Variants in PLEKHA5 observed in about 807,000 individuals in gnomAD.
The protein encoded by PLEKHA5 is pleckstrin homology domain containing A5.
In PLEKHA5, 55 loss-of-function variants were observed where a neutral mutation model predicts 181.9. The observed-to-expected ratio is 0.30, with a 90% CI of 0.24 to 0.38. The LOEUF (loss-of-function observed/expected upper bound fraction) is 0.38. PLEKHA5 is among the 10% of genes least tolerant of loss of function. The pLI is 1.00. For synonymous variants in PLEKHA5, 535 were observed against 529.4 expected, an observed-to-expected ratio of 1.01 and a Z score of -0.15; for missense variants, 1,432 against 1,549.5, an observed-to-expected ratio of 0.92 and a Z score of 1.27.
chr12:19,347,654 T>A (rs1305384921), intron 24 of PLEKHA5, among the ~76,000 whole-genome samples: 1 of 152,000 alleles, frequency 6.6e-6, no homozygotes, highest in African/African-American at 2.4e-5. Context: ...GAAATACGTT[T>A]AGGGTTAAGC....
chr12:19,368,920 A>G (rs746983210), intron 30 of PLEKHA5, among the ~76,000 whole-genome samples: 1 of 151,782 alleles, frequency 6.6e-6, no homozygotes. Context: ...AAACCACAAC[A>G]TTTAAATCAT....
chr12:19,200,543 ACTC>A, intron 3 of PLEKHA5: 6 of 1,308,018 alleles, frequency 4.6e-6, no homozygotes, highest in Non-Finnish European at 4.9e-6. Context: ...TGCTTGTCTC[ACTC>A]CTCTTTTCCT....
At chr12:19,274,377 G>T in intron 10 of PLEKHA5, 139 bp from the exon 11 acceptor site, 1 of 616,972 alleles carries the variant, frequency 1.6e-6, no homozygotes, top group Non-Finnish European at 2.8e-6. Context: ...TTGGGTATTT[G>T]TGTAGACTTG....
intron 30 of PLEKHA5, among the ~76,000 whole-genome samples, chr12:19,368,310 A>G (rs2095487883): frequency 6.6e-6 from 1 of 151,868 alleles, no homozygotes; most frequent in South Asian, 2.1e-4. Context: ...AGGCAATGTA[A>G]CAAGACAACG....
chr12:19,250,756 A>C (rs1012022531), intron 3 of PLEKHA5, among the ~76,000 whole-genome samples: 1 of 152,176 alleles, frequency 6.6e-6, no homozygotes, highest in East Asian at 1.9e-4. Flanking sequence ...AGTGTCTGTT[A>C]AAATTCTAAT....
intron 25 of PLEKHA5, among the ~76,000 whole-genome samples, chr12:19,349,973 A>G (rs1472422520): frequency 1.3e-5 from 2 of 152,082 alleles, no homozygotes; most frequent in East Asian, 1.9e-4. Context: ...TTAGCCATGC[A>G]TGGTAGCACA....
At chr12:19,340,436 C>G (rs2093792714) in intron 21 of PLEKHA5, among the ~76,000 whole-genome samples, 2 of 129,608 alleles carry the variant, frequency 1.5e-5, no homozygotes, top group African/African-American at 2.6e-5. Context: ...CCGGCCACCA[C>G]CCCGTCTGGG....
At chr12:19,213,680 G>A (rs1405592951) in intron 3 of PLEKHA5, among the ~76,000 whole-genome samples, 1 of 152,128 alleles carries the variant, frequency 6.6e-6, no homozygotes, top group Non-Finnish European at 1.5e-5. Context: ...GTTGAAAATG[G>A]GACAAGGATT....
chr12:19,322,074 T>C (rs1045481133), intron 18 of PLEKHA5, among the ~76,000 whole-genome samples: 1 of 152,156 alleles, frequency 6.6e-6, no homozygotes, highest in African/African-American at 2.4e-5. Flanking sequence ...TTTAAACATA[T>C]AACAATAGAA....
intron 8 of PLEKHA5, among the ~76,000 whole-genome samples, chr12:19,269,389 A>T (rs2071772067): frequency 7.1e-6 from 1 of 139,992 alleles, no homozygotes; most frequent in African/African-American, 2.9e-5. Flanking sequence ...TCTGTCTCAA[A>T]AAAAAGAAAA....
chr12:19,343,515 G>T, intron 22 of PLEKHA5, 81 bp downstream of exon 22: 2 of 802,810 alleles, frequency 2.5e-6, no homozygotes, highest in Admixed American at 2.0e-5. Context: ...TACATTCTGA[G>T]AAATGCATTG....
intron 29 of PLEKHA5, among the ~76,000 whole-genome samples, chr12:19,364,516 A>C (rs1352673939): frequency 6.6e-6 from 1 of 152,038 alleles, no homozygotes; most frequent in Admixed American, 6.6e-5. Context: ...GCCTCAAAAA[A>C]AAAATATATA....
At chr12:19,305,914 A>G (rs1439959468) in intron 15 of PLEKHA5, among the ~76,000 whole-genome samples, 1 of 143,350 alleles carries the variant, frequency 7.0e-6, no homozygotes, top group African/African-American at 2.5e-5. Flanking sequence ...CGGTGGCTCT[A>G]CTAAAAATAC....
intron 15 of PLEKHA5, chr12:19,306,836 C>A: frequency 1.2e-6 from 1 of 807,096 alleles, no homozygotes; most frequent in Non-Finnish European, 2.2e-6. Context: ...TATTCCTTGA[C>A]AGAGCTTTGA....
In PLEKHA5 at chr12:19,194,453, A is replaced by G. The variant is rs565496821; in HGVS notation, c.228-59487A>G. On this transcript the variant is annotated intron_variant, in intron 3 of 31. Coordinates refer to ENST00000429027, the MANE Select transcript of PLEKHA5 (RefSeq NM_001256470.2). ...TATAATGAATTCTTTTCCTTTGGGT[A>G]GATATCCAGTAGTGGGATTGCTAGA... Among the ~76,000 whole-genome samples the G allele has an allele frequency of 3.3e-5, 5 of 152,286 alleles. No individual in the cohort carries two copies. The South Asian group carries it at 1.0e-3, about 32-fold the overall frequency.
chr12:19,239,315 C>G (rs1196230868), intron 3 of PLEKHA5, among the ~76,000 whole-genome samples: 1 of 152,118 alleles, frequency 6.6e-6, no homozygotes, highest in Non-Finnish European at 1.5e-5. Flanking sequence ...GAAATATTGC[C>G]ATCACAGTGT....
chr12:19,363,409 AGCCC>A (rs2095324628), intron 29 of PLEKHA5, among the ~76,000 whole-genome samples: 1 of 151,578 alleles, frequency 6.6e-6, no homozygotes, highest in South Asian at 2.1e-4. Context: ...ACTCATGATC[AGCCC>A]GCCTTGGCCT....
intron 3 of PLEKHA5, among the ~76,000 whole-genome samples, chr12:19,252,717 A>G (rs1432773332): frequency 6.6e-6 from 1 of 152,002 alleles, no homozygotes; most frequent in African/African-American, 2.4e-5. Flanking sequence ...TCTCCTTCAG[A>G]TTTCATTTTT....
intron 26 of PLEKHA5, 43 bp from the exon 27 acceptor site, chr12:19,358,182 CAGA>C (rs1044570478): frequency 7.8e-7 from 1 of 1,281,216 alleles, no homozygotes; most frequent in Non-Finnish European, 1.1e-6. Flanking sequence ...TCATACTTTT[CAGA>C]AGTTTTCATT....
Sources: gnomAD v4.1 joint callset for allele counts (sites outside exome capture counted in the v4.1 genomes callset) on GRCh38, gnomAD v4.1.1 for gene constraint, MANE v1.5 for transcripts, NCBI Gene and HGNC (gene_info 2026-07-23, HGNC 2026-07-21) for gene names.